Variants in PPP1R9A observed in about 807,000 individuals in gnomAD.
PPP1R9A encodes the protein neurabin-1.
Under a neutral mutation model 141.9 loss-of-function variants are expected in PPP1R9A, and 59 were observed. That is an observed-to-expected ratio of 0.42 (90% CI 0.34 to 0.52). PPP1R9A has a LOEUF of 0.52. Ranked by LOEUF, PPP1R9A falls within the 20% of genes least tolerant of loss-of-function variation. PPP1R9A has a pLI of 0.10. For missense variants in PPP1R9A, 1,444 were observed against 1,611.9 expected, an observed-to-expected ratio of 0.90 and a Z score of 1.78; for synonymous variants, 500 against 569.7, an observed-to-expected ratio of 0.88 and a Z score of 1.74.
chr7:94,979,524 T>A (rs1198311555), intron 2 of PPP1R9A, among the ~76,000 whole-genome samples: 1 of 152,226 alleles, frequency 6.6e-6, no homozygotes, highest in Non-Finnish European at 1.5e-5. Flanking sequence ...TAATTTTAGG[T>A]TATTTCTAGA....
intron 7 of PPP1R9A, among the ~76,000 whole-genome samples, chr7:95,215,608 T>C (rs1793194316): frequency 6.6e-6 from 1 of 152,228 alleles, no homozygotes. Flanking sequence ...AGTGTTCCTA[T>C]TTCTCCACAT....
intron 2 of PPP1R9A, among the ~76,000 whole-genome samples, chr7:95,053,424 G>A (rs1338121918): frequency 6.6e-6 from 1 of 152,126 alleles, no homozygotes; most frequent in Admixed American, 6.5e-5. Flanking sequence ...TGGCTCTGGG[G>A]AAATTTCATT....
intron 2 of PPP1R9A, among the ~76,000 whole-genome samples, chr7:94,936,364 G>A (rs1221766761): frequency 6.6e-6 from 1 of 152,066 alleles, no homozygotes; most frequent in African/African-American, 2.4e-5. Context: ...TTTTGCCCAG[G>A]AAAGCTTTTA....
At chr7:95,213,972 G>T (rs1048682628) in intron 7 of PPP1R9A, among the ~76,000 whole-genome samples, 1 of 152,078 alleles carries the variant, frequency 6.6e-6, no homozygotes, top group African/African-American at 2.4e-5. Context: ...TAATAAGCAC[G>T]CTCCCTTCCA....
At chr7:95,147,131 G>A (rs113561229) in intron 4 of PPP1R9A, among the ~76,000 whole-genome samples, 1,750 of 152,224 alleles carry the variant, frequency 0.011, 30 homozygotes, top group African/African-American at 0.041. Context: ...CCATGAACAC[G>A]GAATGTTTTT....
intron 2 of PPP1R9A, among the ~76,000 whole-genome samples, chr7:95,064,371 C>T (rs1171739977): frequency 2.6e-5 from 4 of 152,144 alleles, no homozygotes; most frequent in African/African-American, 4.8e-5. Context: ...AGGTACATCA[C>T]GAGTATTTTC....
At chr7:94,917,342 T>G (rs1792206940) in intron 2 of PPP1R9A, among the ~76,000 whole-genome samples, 1 of 152,216 alleles carries the variant, frequency 6.6e-6, no homozygotes, top group Non-Finnish European at 1.5e-5. Context: ...TGACAGCAGA[T>G]TATTTCAGAT....
chr7:95,033,987 T>A (rs1330928646), intron 2 of PPP1R9A, among the ~76,000 whole-genome samples: 1 of 152,198 alleles, frequency 6.6e-6, no homozygotes. Context: ...TGCCTTGTTT[T>A]TTATTCTTGG....
At chr7:95,124,673 T>C (rs947595243) in intron 4 of PPP1R9A, among the ~76,000 whole-genome samples, 3 of 151,496 alleles carry the variant, frequency 2.0e-5, no homozygotes, top group Non-Finnish European at 4.4e-5. Context: ...TAAGATTCTG[T>C]ATTATTGTTT....
At chr7:95,079,948 A>C (rs971717782) in intron 2 of PPP1R9A, among the ~76,000 whole-genome samples, 9 of 152,204 alleles carry the variant, frequency 5.9e-5, no homozygotes, top group African/African-American at 2.2e-4. Context: ...CAAAATAATA[A>C]GAGCTATCTA....
At chr7:95,059,766 C>A (rs559544870) in intron 2 of PPP1R9A, among the ~76,000 whole-genome samples, 1 of 152,280 alleles carries the variant, frequency 6.6e-6, no homozygotes, top group African/African-American at 2.4e-5. Flanking sequence ...ACTCTACCAC[C>A]TAGACTTGAA....
At chr7:94,913,051 A>G (rs1321954399) in intron 2 of PPP1R9A, among the ~76,000 whole-genome samples, 2 of 152,182 alleles carry the variant, frequency 1.3e-5, no homozygotes, top group African/African-American at 2.4e-5. Context: ...AAATCGTTTC[A>G]CATTGAGAAA....
chr7:95,218,359 C>T (rs187013337), intron 7 of PPP1R9A, among the ~76,000 whole-genome samples: 59 of 152,124 alleles, frequency 3.9e-4, no homozygotes, highest in African/African-American at 1.4e-3. Context: ...CTGTTCTTTT[C>T]CATTTGCTCA....
chr7:95,204,856 A>G (rs1790432490), intron 7 of PPP1R9A, among the ~76,000 whole-genome samples: 1 of 145,782 alleles, frequency 6.9e-6, no homozygotes, highest in Non-Finnish European at 1.5e-5. Context: ...CACACACCAC[A>G]CACACGACAA....
At chr7:95,173,065 A>G (rs1439730574) in intron 5 of PPP1R9A, among the ~76,000 whole-genome samples, 1 of 151,992 alleles carries the variant, frequency 6.6e-6, no homozygotes, top group Admixed American at 6.6e-5. Context: ...ATATATAAAA[A>G]TTAACTTAGA....
At chr7:94,993,931 T>C (rs1189554684) in intron 2 of PPP1R9A, among the ~76,000 whole-genome samples, 1 of 152,216 alleles carries the variant, frequency 6.6e-6, no homozygotes, top group Non-Finnish European at 1.5e-5. Context: ...CTTTGTCATA[T>C]TCCTGATTGT....
At chr7:95,157,394 A>T (rs1829803289) in intron 4 of PPP1R9A, among the ~76,000 whole-genome samples, 1 of 152,144 alleles carries the variant, frequency 6.6e-6, no homozygotes, top group Non-Finnish European at 1.5e-5. Flanking sequence ...GGGCACCTGC[A>T]GCCCTTCCCA....
intron 12 of PPP1R9A, among the ~76,000 whole-genome samples, chr7:95,261,903 A>G (rs538313346): frequency 6.6e-6 from 1 of 152,304 alleles, no homozygotes; most frequent in African/African-American, 2.4e-5. Flanking sequence ...CTAATGCTTT[A>G]CATAACAAAA....
intron 2 of PPP1R9A, among the ~76,000 whole-genome samples, chr7:94,933,262 A>G (rs1372635166): frequency 6.6e-6 from 1 of 152,186 alleles, no homozygotes; most frequent in Non-Finnish European, 1.5e-5. Context: ...AGATAAATGT[A>G]TTATGGTTTA....
Sources: allele counts gnomAD v4.1 joint callset (sites outside exome capture counted in the v4.1 genomes callset), GRCh38; gene constraint gnomAD v4.1.1; transcripts MANE v1.5; gene names NCBI Gene and HGNC (gene_info 2026-07-23, HGNC 2026-07-21).